The following MARCHF1 variants were observed in gnomAD, a reference collection of about 807,000 sequenced individuals.
MARCHF1 encodes the protein E3 ubiquitin-protein ligase MARCHF1.
A neutral mutation model predicts 54.2 loss-of-function variants in MARCHF1; 40 were observed. That is an observed-to-expected ratio of 0.74 (90% CI 0.57 to 0.96). The LOEUF is 0.96. MARCHF1 is among the 40% of genes least tolerant of loss of function. The probability of loss-of-function intolerance (pLI) is 0.00; values close to 1 mark genes in which losing one functional copy is unlikely to be tolerated. For synonymous variants in MARCHF1, 236 were observed against 236.3 expected, an observed-to-expected ratio of 1.00 and a Z score of 0.01; for missense variants, 586 against 656.5, an observed-to-expected ratio of 0.89 and a Z score of 1.17.
intron 1 of MARCHF1, among the ~76,000 whole-genome samples, chr4:164,247,954 C>T (rs2111234676): frequency 6.6e-6 from 1 of 151,492 alleles, no homozygotes; most frequent in South Asian, 2.1e-4. Context: ...GATGTTTTTA[C>T]AGCCACATTG....
At chr4:163,873,827 A>G (rs1750231885) in intron 3 of MARCHF1, among the ~76,000 whole-genome samples, 1 of 152,082 alleles carries the variant, frequency 6.6e-6, no homozygotes, top group Admixed American at 6.6e-5. Context: ...GTGAAGTTGT[A>G]GGCAGAAAGG....
In MARCHF1 at chr4:164,241,251, T is replaced by C. The variant is rs560389029; in HGVS notation, c.-322-129589A>G. Among the ~76,000 whole-genome samples, 11 of 152,238 alleles carry C rather than the reference T, an allele frequency of 7.2e-5. No individual in the cohort carries two copies. In the East Asian group the frequency reaches 1.7e-3, roughly 24 times the overall value. On this transcript the variant is annotated intron_variant, in intron 1 of 9. Coordinates refer to ENST00000514618, the MANE Select transcript of MARCHF1 (RefSeq NM_001394959.1). Reference sequence around the variant, plus strand: ...CAGCAGTATCTATTCCCTAGGACCTTAGATTATTTTCAAAAACCCTAGCCT... The same window carrying C: ...CAGCAGTATCTATTCCCTAGGACCTCAGATTATTTTCAAAAACCCTAGCCT...
At chr4:163,807,589 C>T (rs1352363432) in intron 4 of MARCHF1, among the ~76,000 whole-genome samples, 1 of 152,016 alleles carries the variant, frequency 6.6e-6, no homozygotes, top group Non-Finnish European at 1.5e-5. Flanking sequence ...AAATTTGGCA[C>T]ATCCATTTAA....
intron 1 of MARCHF1, among the ~76,000 whole-genome samples, chr4:164,208,586 T>A (rs2111110327): frequency 6.6e-6 from 1 of 152,292 alleles, no homozygotes; most frequent in East Asian, 1.9e-4. Context: ...CTTCTCAACA[T>A]GGATAAATGA....
chr4:164,069,025 G>T lies in MARCHF1; in HGVS notation c.-248+42563C>A, dbSNP rs564951232. On this transcript the variant is annotated intron_variant, in intron 2 of 9. Coordinates refer to ENST00000514618, the MANE Select transcript of MARCHF1 (RefSeq NM_001394959.1). ...AACCTTTGTGTCTAGCTAAGGGATTGTGAATGCACCAACCGGCACTCTGTA... is the reference window on the plus strand; with the variant it reads ...AACCTTTGTGTCTAGCTAAGGGATTTTGAATGCACCAACCGGCACTCTGTA... Among the ~76,000 whole-genome samples, 8 of 152,302 alleles carry T rather than the reference G, an allele frequency of 5.3e-5. No homozygotes were observed. The East Asian group carries it at 1.5e-3, about 29-fold the overall frequency.
chr4:163,535,136 A>T (rs2110879109), intron 9 of MARCHF1, among the ~76,000 whole-genome samples: 1 of 152,246 alleles, frequency 6.6e-6, no homozygotes, highest in Non-Finnish European at 1.5e-5. Flanking sequence ...TCATAACGAA[A>T]CATACGTTCC....
At chr4:164,378,416 T>C (rs934516490) in intron 1 of MARCHF1, among the ~76,000 whole-genome samples, 1 of 152,186 alleles carries the variant, frequency 6.6e-6, no homozygotes, top group Non-Finnish European at 1.5e-5. Flanking sequence ...AAGTTACACA[T>C]ATGAGTGGAG....
rs1399284395 is a variant in MARCHF1, at chr4:163,613,232, GAC to G, written c.242+80_242+81del. The stretch of plus-strand genomic sequence containing the variant: ...TGGACCATGTAAAGCAGAAGCAAGA[GAC>G]ACACATTCTCAGAACAAACAACAAG... On this transcript the variant is annotated intron_variant, in intron 6 of 9. Coordinates refer to ENST00000514618, the MANE Select transcript of MARCHF1 (RefSeq NM_001394959.1). 5.6e-6 allele frequency: 8 copies of G among 1,430,152 alleles called. No homozygotes were observed. The Admixed American group carries it at 1.4e-4, about 25-fold the overall frequency. 88.6% of individuals were successfully genotyped at this position (1,430,152 alleles called of 1,614,324 possible). A position where few individuals can be genotyped will look rare whatever the true frequency, so the allele number is the denominator to read the frequency against.
At chr4:163,589,638 C>T (rs908602742) in intron 7 of MARCHF1, among the ~76,000 whole-genome samples, 53 of 152,172 alleles carry the variant, frequency 3.5e-4, no homozygotes, top group African/African-American at 1.2e-3. Flanking sequence ...ATATACTTCA[C>T]ACAAATCACA....
At chr4:163,880,782 T>G (rs1750397176) in intron 3 of MARCHF1, among the ~76,000 whole-genome samples, 1 of 152,224 alleles carries the variant, frequency 6.6e-6, no homozygotes, top group Non-Finnish European at 1.5e-5. Flanking sequence ...CTAAAAATAA[T>G]TTATTGCATA....
intron 3 of MARCHF1, among the ~76,000 whole-genome samples, chr4:163,909,938 C>G (rs745681576): frequency 6.6e-5 from 10 of 152,174 alleles, no homozygotes; most frequent in Admixed American, 1.3e-4. Flanking sequence ...TAAATACTAG[C>G]TACCCAGTTG....
chr4:163,589,238 T>C (rs1280718260), intron 7 of MARCHF1, among the ~76,000 whole-genome samples: 6 of 152,130 alleles, frequency 3.9e-5, no homozygotes, highest in African/African-American at 1.4e-4. Context: ...ACCTTGCTGG[T>C]TACTGAGTTC....
In MARCHF1 at chr4:164,361,847, T is replaced by C. The variant is rs530005516; in HGVS notation, c.-323+22023A>G. Among the ~76,000 whole-genome samples the C allele has an allele frequency of 7.2e-5, 11 of 152,236 alleles. No homozygotes were observed. In the South Asian group the frequency reaches 2.1e-3, roughly 29 times the overall value. ...TCACAACACTGTACCATAATGGCCATAGAGCACATGATTTAATTTACATCT... is the reference window on the plus strand; with the variant it reads ...TCACAACACTGTACCATAATGGCCACAGAGCACATGATTTAATTTACATCT... On this transcript the variant is annotated intron_variant, in intron 1 of 9. Coordinates refer to ENST00000514618, the MANE Select transcript of MARCHF1 (RefSeq NM_001394959.1).
intron 8 of MARCHF1, among the ~76,000 whole-genome samples, chr4:163,550,705 A>C (rs1462711067): frequency 6.6e-6 from 1 of 152,220 alleles, no homozygotes; most frequent in African/African-American, 2.4e-5. Flanking sequence ...CATTATTTAC[A>C]TGCCTTAGTA....
intron 1 of MARCHF1, among the ~76,000 whole-genome samples, chr4:164,182,098 T>A (rs937325982): frequency 6.6e-6 from 1 of 152,078 alleles, no homozygotes; most frequent in Non-Finnish European, 1.5e-5. Context: ...CAGATAAACA[T>A]TACATTGACA....
intron 1 of MARCHF1, among the ~76,000 whole-genome samples, chr4:164,230,880 T>C (rs113032995): frequency 6.6e-6 from 1 of 152,302 alleles, no homozygotes; most frequent in Middle Eastern, 3.4e-3. Flanking sequence ...CAGTATACTG[T>C]TTTCTGAGAC....
At chr4:163,878,203 T>C (rs1750335227) in intron 3 of MARCHF1, among the ~76,000 whole-genome samples, 1 of 152,206 alleles carries the variant, frequency 6.6e-6, no homozygotes. Flanking sequence ...AGCTTCTCTA[T>C]AACACTAGCT....
At chr4:163,959,560 G>A (rs912971060) in intron 3 of MARCHF1, among the ~76,000 whole-genome samples, 2 of 151,900 alleles carry the variant, frequency 1.3e-5, no homozygotes, top group African/African-American at 2.4e-5. Context: ...AACAAGCAAT[G>A]GAGAAAAGAC....
chr4:163,843,956 C>G (rs1749414376), intron 4 of MARCHF1, among the ~76,000 whole-genome samples: 1 of 151,556 alleles, frequency 6.6e-6, no homozygotes, highest in Non-Finnish European at 1.5e-5. Flanking sequence ...ATGCCCCTTG[C>G]TCATTTTTTT....
Sources: allele counts gnomAD v4.1 joint callset (sites outside exome capture counted in the v4.1 genomes callset), GRCh38; gene constraint gnomAD v4.1.1; transcripts MANE v1.5; gene names NCBI Gene and HGNC (gene_info 2026-07-23, HGNC 2026-07-21).